The following PCDH11X variants were observed in gnomAD, a reference collection of about 807,000 sequenced individuals.
PCDH11X encodes the protein protocadherin 11 X-linked, also known as protocadherin-11 X-linked.
In PCDH11X, 18 loss-of-function variants were observed where a neutral mutation model predicts 53.3. The observed-to-expected ratio is 0.34, with a 90% CI of 0.23 to 0.50. The LOEUF (loss-of-function observed/expected upper bound fraction) is 0.50. PCDH11X is among the 20% of genes least tolerant of loss of function. The pLI, the probability that PCDH11X is intolerant of heterozygous loss-of-function variation, is 0.98. For synonymous variants in PCDH11X, 279 were observed against 393.3 expected, an observed-to-expected ratio of 0.71 and a Z score of 3.44; for missense variants, 570 against 1,032.4, an observed-to-expected ratio of 0.55 and a Z score of 6.14.
chrX:91,796,393 T>C (rs957955781), intron 1 of PCDH11X, among the ~76,000 whole-genome samples: 4 of 111,492 alleles, frequency 3.6e-5, no homozygotes, highest in African/African-American at 1.3e-4. Flanking sequence ...GGTGTAGTTT[T>C]TTTAATTGCA....
At chrX:92,451,345 A>G (rs1490778934) in intron 9 of PCDH11X, among the ~76,000 whole-genome samples, 5 of 110,308 alleles carry the variant, frequency 4.5e-5, no homozygotes, top group Non-Finnish European at 7.6e-5. Context: ...TGTATGTTTT[A>G]CCAAAATTAA....
At chrX:92,495,105 A>T (rs188190156) in intron 10 of PCDH11X, among the ~76,000 whole-genome samples, 2 of 107,276 alleles carry the variant, frequency 1.9e-5, no homozygotes, top group Admixed American at 2.1e-4. Context: ...GGTTCCTTGA[A>T]TATTTACATA....
intron 6 of PCDH11X, among the ~76,000 whole-genome samples, chrX:92,180,182 A>C (rs2065972291): frequency 9.0e-6 from 1 of 111,333 alleles, no homozygotes; most frequent in Non-Finnish European, 1.9e-5. Flanking sequence ...AGAGTGAAGG[A>C]GGAAGCACTA....
intron 6 of PCDH11X, among the ~76,000 whole-genome samples, chrX:91,939,160 C>T (rs2061479879): frequency 9.0e-6 from 1 of 110,921 alleles, no homozygotes; most frequent in Non-Finnish European, 1.9e-5. Context: ...ATTAAAAAGA[C>T]TCAAATCAAA....
chrX:92,386,676 C>T (rs2071018132), intron 8 of PCDH11X, among the ~76,000 whole-genome samples: 1 of 107,984 alleles, frequency 9.3e-6, no homozygotes, highest in Admixed American at 1.0e-4. Context: ...TATCCGGCAC[C>T]TGAACTTGAG....
intron 8 of PCDH11X, among the ~76,000 whole-genome samples, chrX:92,317,062 A>C (rs745313129): frequency 9.0e-6 from 1 of 111,604 alleles, no homozygotes; most frequent in Non-Finnish European, 1.9e-5. Context: ...AATTTGTAAA[A>C]CTGTTCGTTT....
chrX:92,430,665 G>C (rs1030115567), intron 9 of PCDH11X, among the ~76,000 whole-genome samples: 8 of 99,344 alleles, frequency 8.1e-5, no homozygotes, highest in Non-Finnish European at 1.7e-4. Flanking sequence ...TGTCATTTCT[G>C]TTGTGGAAGA....
intron 8 of PCDH11X, among the ~76,000 whole-genome samples, chrX:92,300,867 G>T (rs2068707268): frequency 8.9e-6 from 1 of 111,806 alleles, no homozygotes; most frequent in Admixed American, 9.5e-5. Flanking sequence ...CAGTTTACTG[G>T]CTTCATTTCT....
chrX:92,278,171 A>G (rs1265818717), intron 8 of PCDH11X, among the ~76,000 whole-genome samples: 5 of 111,535 alleles, frequency 4.5e-5, no homozygotes, highest in African/African-American at 1.6e-4. Flanking sequence ...AAAGAGGTTG[A>G]GGGATAGTGA....
At chrX:92,131,923 G>T (rs932674725) in intron 6 of PCDH11X, among the ~76,000 whole-genome samples, 79 of 108,096 alleles carry the variant, frequency 7.3e-4, no homozygotes, top group Non-Finnish European at 1.1e-3. Flanking sequence ...ACTCTTGGTG[G>T]GCTTTTGTTA....
At chrX:91,800,300 A>G (rs1213290840) in intron 1 of PCDH11X, among the ~76,000 whole-genome samples, 1 of 110,934 alleles carries the variant, frequency 9.0e-6, no homozygotes, top group African/African-American at 3.3e-5. Flanking sequence ...TCAAAAAATA[A>G]TCAGTTTGAA....
chrX:92,536,499 A>G (rs12833102), intron 10 of PCDH11X, among the ~76,000 whole-genome samples: 1 of 110,358 alleles, frequency 9.1e-6, no homozygotes, highest in Middle Eastern at 4.2e-3. Context: ...GGTATACCAT[A>G]TGGTAGCTGC....
intron 6 of PCDH11X, among the ~76,000 whole-genome samples, chrX:92,147,810 C>CCTTTCTTTCTTTCTTTTT (rs2065297408): frequency 1.6e-4 from 11 of 70,198 alleles, no homozygotes; most frequent in African/African-American, 6.0e-4. Flanking sequence ...TTTCTTCCTT[C>CCTTTCTTTCTTTCTTTTT]CTTTCTTTCT....
In PCDH11X at chrX:92,276,531, G is replaced by C. The variant is rs766391143; in HGVS notation, c.3144+13388G>C. ...TTACTGGCACTTGTAGCAAGCTCCT[G>C]GGGGAGGAGGTTCTGGAGGAATGCC... is the stretch of plus-strand genomic sequence containing the variant. On this transcript the variant is annotated intron_variant, in intron 8 of 10. Coordinates refer to ENST00000682573, the MANE Select transcript of PCDH11X (RefSeq NM_032968.5). Among the ~76,000 whole-genome samples, 8 of 110,695 alleles carry C rather than the reference G, an allele frequency of 7.2e-5. No individual in the cohort carries two copies. The East Asian group carries it at 2.0e-3, about 28-fold the overall frequency.
chrX:92,366,092 G>A (rs756139208), intron 8 of PCDH11X, among the ~76,000 whole-genome samples: 1 of 109,742 alleles, frequency 9.1e-6, no homozygotes, highest in South Asian at 4.0e-4. Context: ...GGGAGAATTC[G>A]GCTATGAATC....
chrX:92,507,177 G>T (rs2074078932), intron 10 of PCDH11X, among the ~76,000 whole-genome samples: 1 of 109,785 alleles, frequency 9.1e-6, no homozygotes, highest in African/African-American at 3.3e-5. Context: ...ACAAACTTCT[G>T]AATTCATTGA....
chrX:92,053,145 G>T, intron 6 of PCDH11X, among the ~76,000 whole-genome samples: 1 of 111,210 alleles, frequency 9.0e-6, no homozygotes, highest in South Asian at 3.7e-4. Context: ...AAAGTTATTA[G>T]AAAAAATTTT....
Position 92,055,975 on chromosome X carries a change from GT to G in PCDH11X, c.3034-145399del, listed in dbSNP as rs1171069874. On this transcript the variant is annotated intron_variant, in intron 6 of 10. Transcript: ENST00000682573. ...TGATGGGCATTTAGGTTGATTTCATGTCTTTGCTATTGTAGTGAACATATGT... is the reference window on the plus strand; with the variant it reads ...TGATGGGCATTTAGGTTGATTTCATGCTTTGCTATTGTAGTGAACATATGT... Among the ~76,000 whole-genome samples the G allele has an allele frequency of 4.0e-4, 44 of 109,707 alleles. No individual in the cohort carries two copies. In the Admixed American group the frequency reaches 4.2e-3, roughly 11 times the overall value.
intron 9 of PCDH11X, among the ~76,000 whole-genome samples, chrX:92,388,418 C>A (rs1236799438): frequency 9.4e-6 from 1 of 106,722 alleles, no homozygotes; most frequent in African/African-American, 3.4e-5. Flanking sequence ...ATACTGAAAT[C>A]ACACACCTGT....
Sources: gnomAD v4.1 joint callset for allele counts (sites outside exome capture counted in the v4.1 genomes callset) on GRCh38, gnomAD v4.1.1 for gene constraint, MANE v1.5 for transcripts, NCBI Gene and HGNC (gene_info 2026-07-23, HGNC 2026-07-21) for gene names.